CSMD3: variants seen among roughly 807,000 people sequenced by gnomAD.
CSMD3 encodes CUB and sushi domain-containing protein 3.
A neutral mutation model predicts 435.2 loss-of-function variants in CSMD3; 177 were observed. The ratio of observed to expected loss-of-function variants is 0.41; its 90% CI spans 0.36 to 0.46. CSMD3 has a LOEUF of 0.46. Among genes scored for constraint, CSMD3 ranks in the 20% least tolerant of loss-of-function variants. CSMD3 has a pLI of 0.34. For synonymous variants in CSMD3, 1,656 were observed against 1,520.5 expected (o/e 1.09, Z -2.07); for missense variants, 4,265 against 4,504.6 (o/e 0.95, Z 1.52).
At chr8:112,464,646 C>G (rs1817778399) in intron 32 of CSMD3, among the ~76,000 whole-genome samples, 1 of 152,004 alleles carries the variant, frequency 6.6e-6, no homozygotes, top group Non-Finnish European at 1.5e-5. Context: ...AACTGGAAAT[C>G]CAAAATTTAC....
At chr8:112,376,181 G>A (rs371828606) in intron 38 of CSMD3, among the ~76,000 whole-genome samples, 1 of 152,062 alleles carries the variant, frequency 6.6e-6, no homozygotes, top group South Asian at 2.1e-4. Context: ...ATCTATTACT[G>A]TATTCAAAGC....
intron 10 of CSMD3, among the ~76,000 whole-genome samples, chr8:112,920,213 A>T (rs1285265318): frequency 6.6e-6 from 1 of 151,892 alleles, no homozygotes; most frequent in Non-Finnish European, 1.5e-5. Context: ...GCTAGCTAGG[A>T]TAAAGGAGGG....
intron 20 of CSMD3, among the ~76,000 whole-genome samples, chr8:112,644,056 T>C (rs1425692573): frequency 6.6e-6 from 1 of 151,604 alleles, no homozygotes; most frequent in African/African-American, 2.4e-5. Context: ...AATTCAATAA[T>C]ATAATACATC....
At chr8:112,513,710 TG>T (rs919481621) in intron 28 of CSMD3, among the ~76,000 whole-genome samples, 8 of 152,178 alleles carry the variant, frequency 5.3e-5, no homozygotes, top group Non-Finnish European at 1.2e-4. Flanking sequence ...GTAATATCTG[TG>T]GCATGCAATA....
At position 112,390,766 on chromosome 8, in the gene CSMD3, A is replaced by C; in HGVS notation, c.5832T>G (p.Thr1944=). Residue 1944 remains threonine (T), a synonymous_variant, in exon 36 of 71, where the codon ACT becomes ACG. Coordinates refer to ENST00000297405, the MANE Select transcript of CSMD3 (RefSeq NM_198123.2). ...TCIVPCGGIL[T]KRKGTILSPG... is the part of the protein sequence containing the mutation. ...GTGACAAAATAGTCCCTTTGCGCTT[A>C]GTTAAAATTCCACCACAGGGCACTG... 1 of 1,613,594 alleles carries C rather than the reference A, an allele frequency of 6.2e-7. No homozygotes were observed. Among genetic ancestry groups the C allele is most frequent in the Non-Finnish European group, 8.5e-7 (1 of 1,179,530 alleles).
intron 13 of CSMD3, among the ~76,000 whole-genome samples, chr8:112,736,862 A>G (rs532498803): frequency 5.9e-5 from 9 of 152,122 alleles, no homozygotes; most frequent in African/African-American, 1.9e-4. Context: ...CTCTGGATCT[A>G]TATCAGCGTA....
chr8:112,975,121 T>G (rs1197303778), intron 7 of CSMD3, among the ~76,000 whole-genome samples: 3 of 151,914 alleles, frequency 2.0e-5, no homozygotes, highest in Non-Finnish European at 2.9e-5. Context: ...TTCCTTATTT[T>G]GTAAAAGGTA....
At chr8:113,258,005 A>G (rs1160524488) in intron 3 of CSMD3, among the ~76,000 whole-genome samples, 1 of 152,224 alleles carries the variant, frequency 6.6e-6, no homozygotes, top group Non-Finnish European at 1.5e-5. Context: ...CAACTGCACA[A>G]TTTGTTCTTT....
rs549743776 is a variant in CSMD3 at position 113,365,686 on chromosome 8, A to C, written c.179-50893T>G. ...AGATAAATGATATTCACTGCCAGCA[A>C]ACAAAAATCGGACCTGAACATGGGT... On this transcript the variant is annotated intron_variant, in intron 1 of 70. Transcript: ENST00000297405. 2.0e-5 allele frequency among the ~76,000 whole-genome samples: 3 copies of C among 152,146 alleles called. No homozygotes were observed. In the East Asian group the frequency reaches 5.8e-4, roughly 29 times the overall value.
chr8:113,338,499 A>G (rs1250677264), intron 1 of CSMD3, among the ~76,000 whole-genome samples: 1 of 152,010 alleles, frequency 6.6e-6, no homozygotes, highest in Non-Finnish European at 1.5e-5. Flanking sequence ...TGATGAAGGG[A>G]TAAACAAAAT....
chr8:112,829,836 A>G, intron 11 of CSMD3, 47 bp from the exon 12 acceptor site: 1 of 1,021,446 alleles, frequency 9.8e-7, no homozygotes, highest in Non-Finnish European at 1.6e-6. Flanking sequence ...GCGTTGTGCA[A>G]TAAAAACAAC....
chr8:113,223,668 C>G (rs890576637), intron 3 of CSMD3, among the ~76,000 whole-genome samples: 1 of 148,506 alleles, frequency 6.7e-6, no homozygotes, highest in Non-Finnish European at 1.5e-5. Context: ...CATTTAGTGT[C>G]TGTGGTTTTA....
intron 20 of CSMD3, among the ~76,000 whole-genome samples, chr8:112,640,967 G>C (rs944171394): frequency 3.3e-5 from 5 of 152,018 alleles, no homozygotes; most frequent in African/African-American, 1.2e-4. Context: ...AATTATTTTA[G>C]AATTTCATTA....
intron 35 of CSMD3, among the ~76,000 whole-genome samples, chr8:112,393,887 A>AT (rs34762843): frequency 2.7e-4 from 40 of 149,608 alleles, no homozygotes; most frequent in Middle Eastern, 3.4e-3. Context: ...CTGCACTCAG[A>AT]TTTTTTTTTT....
At chr8:112,668,678 T>C (rs1339616128) in intron 16 of CSMD3, among the ~76,000 whole-genome samples, 2 of 152,034 alleles carry the variant, frequency 1.3e-5, no homozygotes, top group African/African-American at 4.8e-5. Flanking sequence ...TTTTCTGAAG[T>C]AGCTACTTTC....
intron 9 of CSMD3, among the ~76,000 whole-genome samples, chr8:112,937,314 G>A (rs2083309704): frequency 6.7e-6 from 1 of 149,380 alleles, no homozygotes; most frequent in Non-Finnish European, 1.5e-5. Context: ...GAACAGTTAT[G>A]CTTTTATTAC....
intron 67 of CSMD3, 134 bp downstream of exon 67, chr8:112,237,056 G>T: frequency 2.1e-6 from 2 of 960,534 alleles, no homozygotes; most frequent in Non-Finnish European, 3.2e-6. Context: ...GGTTCTGAGT[G>T]AATATGAATG....
intron 20 of CSMD3, 127 bp from the exon 21 acceptor site, chr8:112,639,038 A>G (rs2074743130): frequency 1.5e-6 from 1 of 666,732 alleles, no homozygotes; most frequent in South Asian, 1.7e-5. Flanking sequence ...AGGCATTGCT[A>G]TAAAATATTC....
At chr8:112,601,497 T>A (rs930502872) in intron 22 of CSMD3, among the ~76,000 whole-genome samples, 3 of 152,116 alleles carry the variant, frequency 2.0e-5, no homozygotes, top group Non-Finnish European at 4.4e-5. Flanking sequence ...ACTATAGGAA[T>A]TTCTATAAAT....
Sources: gnomAD v4.1 joint callset for allele counts (sites outside exome capture counted in the v4.1 genomes callset) on GRCh38, gnomAD v4.1.1 for gene constraint, MANE v1.5 for transcripts, NCBI Gene and HGNC (gene_info 2026-07-23, HGNC 2026-07-21) for gene names.